Variants in PHF21B observed in about 807,000 individuals in gnomAD.
PHF21B encodes PHD finger protein 4.
In PHF21B, 22 loss-of-function variants were observed where a neutral mutation model predicts 62.2. The ratio of observed to expected loss-of-function variants is 0.35; its 90% CI spans 0.25 to 0.51. The LOEUF is 0.51. PHF21B is among the 20% of genes least tolerant of loss of function. The probability of loss-of-function intolerance (pLI) is 0.97; values close to 1 mark genes in which losing one functional copy is unlikely to be tolerated. For synonymous variants in PHF21B, 341 were observed against 314.7 expected (o/e 1.08, Z -0.88); for missense variants, 701 against 707.9 (o/e 0.99, Z 0.11).
chr22:44,897,235 AT>A (rs555999724), intron 5 of PHF21B, among the ~76,000 whole-genome samples: 92 of 149,640 alleles, frequency 6.1e-4, no homozygotes, highest in African/African-American at 2.2e-3. Context: ...TCACTAGGGC[AT>A]TTTTTTTTCA....
chr22:44,944,655 CTCTA>C (rs2072028043), intron 2 of PHF21B, among the ~76,000 whole-genome samples: 1 of 152,234 alleles, frequency 6.6e-6, no homozygotes, highest in African/African-American at 2.4e-5. Context: ...ATCCTGGTTC[CTCTA>C]TCTGCTAGAT....
chr22:44,946,439 G>A (rs925712422), intron 2 of PHF21B, among the ~76,000 whole-genome samples: 1 of 152,060 alleles, frequency 6.6e-6, no homozygotes, highest in Non-Finnish European at 1.5e-5. Context: ...CTGGCGTCCT[G>A]GGCGCTCAGT....
chr22:44,930,616 C>T (rs985559348), intron 2 of PHF21B, among the ~76,000 whole-genome samples: 1 of 152,286 alleles, frequency 6.6e-6, no homozygotes, highest in African/African-American at 2.4e-5. Flanking sequence ...GCTCAGAGCA[C>T]TGGAGGCTAC....
At chr22:44,974,235 C>T (rs953328900) in intron 2 of PHF21B, among the ~76,000 whole-genome samples, 1 of 151,900 alleles carries the variant, frequency 6.6e-6, no homozygotes, top group Non-Finnish European at 1.5e-5. Flanking sequence ...ACCAACATGG[C>T]GAAACCCTGT....
intron 2 of PHF21B, among the ~76,000 whole-genome samples, chr22:44,996,770 A>G (rs1601693405): frequency 6.6e-6 from 1 of 152,072 alleles, no homozygotes; most frequent in East Asian, 1.9e-4. Context: ...GGATCCACAC[A>G]CGTGCATGCA....
At chr22:44,983,090 C>T (rs1037353193) in intron 2 of PHF21B, among the ~76,000 whole-genome samples, 2 of 152,036 alleles carry the variant, frequency 1.3e-5, no homozygotes, top group Admixed American at 6.6e-5. Context: ...AAAAATTAGC[C>T]GGGCATGGTG....
At chr22:44,943,714 C>T (rs948224774) in intron 2 of PHF21B, among the ~76,000 whole-genome samples, 8 of 152,108 alleles carry the variant, frequency 5.3e-5, no homozygotes, top group African/African-American at 1.9e-4. Flanking sequence ...CACATGACAG[C>T]GACTCCTGGG....
chr22:44,889,891 T>C, intron 8 of PHF21B, 109 bp from the exon 9 acceptor site: 1 of 1,197,280 alleles, frequency 8.4e-7, no homozygotes, highest in Non-Finnish European at 1.1e-6. Flanking sequence ...CCCCAGGGCA[T>C]GATGGGAGCA....
At chr22:44,981,812 C>G (rs1005530037) in intron 2 of PHF21B, among the ~76,000 whole-genome samples, 3 of 152,226 alleles carry the variant, frequency 2.0e-5, no homozygotes, top group Non-Finnish European at 4.4e-5. Context: ...GGATGACTCT[C>G]AGAGTTCTGG....
At chr22:44,891,233 G>A (rs1349892012) in intron 8 of PHF21B, 73 bp downstream of exon 8, 40 of 1,547,282 alleles carry the variant, frequency 2.6e-5, no homozygotes, top group African/African-American at 1.2e-4. Flanking sequence ...AGGCCCAGGC[G>A]TGGAGGACCA....
At chr22:44,957,903 A>AT (rs11312000) in intron 2 of PHF21B, among the ~76,000 whole-genome samples, 10,508 of 138,210 alleles carry the variant, frequency 0.076, 427 homozygotes, top group Middle Eastern at 0.12. Context: ...ACCACTGGAC[A>AT]TTTTTTTTTT....
chr22:44,886,662 G>T (rs1418255460), intron 10 of PHF21B, among the ~76,000 whole-genome samples: 1 of 151,686 alleles, frequency 6.6e-6, no homozygotes, highest in African/African-American at 2.4e-5. Flanking sequence ...ACTCTAGCCT[G>T]TGAAACAGAG....
In PHF21B at chr22:44,916,326, C is replaced by T. The variant is rs766521474; in HGVS notation, c.518G>A (p.Ser173Asn). The change falls in exon 4 of 13, where the codon AGT (serine) becomes AAT (asparagine). Residue 173 changes from serine to asparagine, a missense_variant. Transcript: ENST00000313237. ...GAGGGGCTGGACTTTGATGCTGTCA[C>T]TGACCACAGACACGGCGGTGCTGGG... The part of the protein sequence containing the change: ...MAPSTAVSVV[S>N]DSIKVQPLLI... The T allele has an allele frequency of 1.3e-6, 2 of 1,597,904 alleles. No individual in the cohort carries two copies. Among genetic ancestry groups the T allele is most frequent in the Non-Finnish European group, 1.7e-6 (2 of 1,176,628 alleles).
chr22:44,992,321 CG>C lies in PHF21B; in HGVS notation c.120+16223del, dbSNP rs368397074. On this transcript the variant is annotated intron_variant, in intron 2 of 12. Transcript: ENST00000313237. ...CGATGAAATGCATGGGAGGAACTGA[CG>C]GGGACGGGGTGCTGTGGCCGCACCG... Among the ~76,000 whole-genome samples, 265 of 152,334 alleles carry C rather than the reference CG, an allele frequency of 1.7e-3. 1 individual carries two copies. Among genetic ancestry groups the C allele is most frequent in the African/African-American group, 5.4e-3 (225 of 41,576 alleles).
intron 2 of PHF21B, among the ~76,000 whole-genome samples, chr22:44,957,370 A>C (rs930163539): frequency 6.6e-6 from 1 of 152,172 alleles, no homozygotes; most frequent in Non-Finnish European, 1.5e-5. Flanking sequence ...TCCTGAACTG[A>C]CTGTAGAAGG....
intron 3 of PHF21B, among the ~76,000 whole-genome samples, chr22:44,916,840 A>G (rs2071444726): frequency 3.9e-5 from 6 of 152,184 alleles, no homozygotes. Flanking sequence ...GGGGCTCAGG[A>G]GGGGCTGCTC....
chr22:45,009,553 G>A lies in PHF21B; in HGVS notation c.-4C>T, dbSNP rs199787537. The A allele has an allele frequency of 5.7e-6, 9 of 1,571,656 alleles. No homozygotes were observed. In the Admixed American group the frequency reaches 1.4e-4, roughly 25 times the overall value. On this transcript the variant is annotated 5_prime_UTR_variant, in exon 1 of 13. Transcript: ENST00000313237. This position sits in a 1 kb window ranked among gnomAD's most constrained non-coding sequence, Gnocchi z 5.9. ...CGGGCCGGCTCTGCAGCTCCATCCCGGCAACTTGGGCAGCACTTTGCGCTC... is the reference window on the plus strand; with the variant it reads ...CGGGCCGGCTCTGCAGCTCCATCCCAGCAACTTGGGCAGCACTTTGCGCTC...
intron 2 of PHF21B, among the ~76,000 whole-genome samples, chr22:44,978,964 A>G (rs1940149380): frequency 6.6e-6 from 1 of 152,212 alleles, no homozygotes; most frequent in South Asian, 2.1e-4. Flanking sequence ...AGGACAGGGC[A>G]TCTTCCCAGT....
At chr22:44,932,705 C>T (rs2071765366) in intron 2 of PHF21B, among the ~76,000 whole-genome samples, 1 of 152,276 alleles carries the variant, frequency 6.6e-6, no homozygotes, top group South Asian at 2.1e-4. Flanking sequence ...TCCGCACCTG[C>T]ACCACGGAAT....
Sources: gnomAD v4.1 joint callset for allele counts (sites outside exome capture counted in the v4.1 genomes callset) on GRCh38, gnomAD v4.1.1 for gene constraint, Gnocchi (gnomAD v3.1) non-coding constraint, MANE v1.5 for transcripts, NCBI Gene and HGNC (gene_info 2026-07-23, HGNC 2026-07-21) for gene names.